ADAMTS17: variants seen among roughly 807,000 people sequenced by gnomAD.
ADAMTS17 encodes ADAM metallopeptidase with thrombospondin type 1 motif 17, also known as A disintegrin and metalloproteinase with thrombospondin motifs 17.
A neutral mutation model predicts 141.5 loss-of-function variants in ADAMTS17; 113 were observed. The observed-to-expected ratio is 0.80, with a 90% CI of 0.69 to 0.93. The LOEUF (loss-of-function observed/expected upper bound fraction) is 0.93, where lower values mean the gene tolerates loss of function less well. Ranked by LOEUF, ADAMTS17 falls within the 40% of genes least tolerant of loss-of-function variation. The pLI is 0.00. For synonymous variants in ADAMTS17, 768 were observed against 630.6 expected (o/e 1.22, Z -3.27); for missense variants, 1,659 against 1,517.9 (o/e 1.09, Z -1.54).
chr15:100,260,654 A>G (rs528731656), intron 6 of ADAMTS17, among the ~76,000 whole-genome samples: 2 of 152,166 alleles, frequency 1.3e-5, no homozygotes, highest in East Asian at 3.9e-4. Flanking sequence ...AAAACAAAAC[A>G]AAAAACCTTT....
intron 10 of ADAMTS17, among the ~76,000 whole-genome samples, chr15:100,149,763 C>T (rs2039076841): frequency 6.6e-6 from 1 of 152,202 alleles, no homozygotes; most frequent in Non-Finnish European, 1.5e-5. Context: ...CACCATTGCT[C>T]CATCCATGAG....
chr15:100,188,000 C>A (rs1438642831), intron 8 of ADAMTS17, among the ~76,000 whole-genome samples: 1 of 152,060 alleles, frequency 6.6e-6, no homozygotes, highest in Non-Finnish European at 1.5e-5. Context: ...GGGAGGGGCA[C>A]TTGAGTCCAG....
At chr15:100,113,468 C>T (rs573045546) in intron 13 of ADAMTS17, among the ~76,000 whole-genome samples, 1 of 152,154 alleles carries the variant, frequency 6.6e-6, no homozygotes, top group Non-Finnish European at 1.5e-5. Context: ...ACTAGCAATA[C>T]AAATATTTGG....
chr15:100,082,616 ATTT>A (rs1280643603), intron 15 of ADAMTS17, among the ~76,000 whole-genome samples: 1 of 151,702 alleles, frequency 6.6e-6, no homozygotes, highest in African/African-American at 2.4e-5. Flanking sequence ...TGATAGTCAT[ATTT>A]TTAATTTTTG....
At chr15:100,009,629 C>T (rs1050553735) in intron 18 of ADAMTS17, among the ~76,000 whole-genome samples, 40 of 152,118 alleles carry the variant, frequency 2.6e-4, no homozygotes, top group South Asian at 6.2e-4. Context: ...TCCACAGGCC[C>T]GATCAACCCC....
chr15:100,288,260 T>G (rs940802638), intron 3 of ADAMTS17, among the ~76,000 whole-genome samples: 1 of 152,146 alleles, frequency 6.6e-6, no homozygotes, highest in Non-Finnish European at 1.5e-5. Flanking sequence ...CAATAATTTT[T>G]TAAAAAGACA....
intron 8 of ADAMTS17, among the ~76,000 whole-genome samples, chr15:100,196,728 G>A (rs1341146934): frequency 6.6e-5 from 10 of 152,330 alleles, no homozygotes; most frequent in Middle Eastern, 3.4e-3. Flanking sequence ...CAGCCTGGCC[G>A]GTGGCTTTGC....
chr15:100,090,216 G>A (rs2035369144), intron 15 of ADAMTS17, among the ~76,000 whole-genome samples: 1 of 152,162 alleles, frequency 6.6e-6, no homozygotes, highest in South Asian at 2.1e-4. Context: ...GCAGTAAAAT[G>A]TCAAAAACTG....
At chr15:100,121,737 C>T (rs187530563) in intron 12 of ADAMTS17, among the ~76,000 whole-genome samples, 22 of 151,898 alleles carry the variant, frequency 1.4e-4, no homozygotes, top group Admixed American at 1.1e-3. Context: ...TAGATGTAAC[C>T]TGAATGCAGG....
At chr15:100,281,548 C>T in intron 3 of ADAMTS17, 147 bp from the exon 4 acceptor site, 1 of 1,077,214 alleles carries the variant, frequency 9.3e-7, no homozygotes, top group Middle Eastern at 2.8e-4. Context: ...TCTCCACCGT[C>T]ATGTGGGTGC....
At chr15:100,143,918 C>T (rs2038776901) in intron 10 of ADAMTS17, among the ~76,000 whole-genome samples, 2 of 152,230 alleles carry the variant, frequency 1.3e-5, no homozygotes, top group African/African-American at 4.8e-5. Flanking sequence ...TTGCGAGTGG[C>T]AGAAGAACAT....
intron 4 of ADAMTS17, among the ~76,000 whole-genome samples, chr15:100,271,615 G>A (rs2043916162): frequency 6.6e-6 from 1 of 151,358 alleles, no homozygotes; most frequent in Admixed American, 6.6e-5. Flanking sequence ...GGTTTTAGAA[G>A]CTTTCTATAT....
In ADAMTS17 at chr15:99,974,374, A is replaced by G; in HGVS notation, c.*28T>C. The G allele has an allele frequency of 6.2e-7, 1 of 1,613,746 alleles. No individual in the cohort carries two copies. The highest frequency in any genetic ancestry group is 8.5e-7 in the Non-Finnish European group (1 of 1,180,000). ...TGGGTGGGTTTCAGACCTGAGTCTGAGCTTTGAGCGACCCTTGGGACTGCG... is the reference window on the plus strand; with the variant it reads ...TGGGTGGGTTTCAGACCTGAGTCTGGGCTTTGAGCGACCCTTGGGACTGCG... On this transcript the variant is annotated 3_prime_UTR_variant, in exon 22 of 22. Coordinates refer to ENST00000268070, the MANE Select transcript of ADAMTS17 (RefSeq NM_139057.4).
chr15:99,982,203 A>G (rs906890838), intron 20 of ADAMTS17, among the ~76,000 whole-genome samples: 4 of 152,246 alleles, frequency 2.6e-5, no homozygotes, highest in Non-Finnish European at 5.9e-5. Flanking sequence ...TATTCTCAAC[A>G]GTGAATGCAC....
At chr15:100,009,594 C>T (rs1209897646) in intron 18 of ADAMTS17, among the ~76,000 whole-genome samples, 2 of 152,044 alleles carry the variant, frequency 1.3e-5, no homozygotes, top group African/African-American at 2.4e-5. Flanking sequence ...TGACCTCTAC[C>T]GAGCACTCAG....
intron 19 of ADAMTS17, among the ~76,000 whole-genome samples, chr15:99,994,243 G>C (rs2060749983): frequency 6.6e-6 from 1 of 152,088 alleles, no homozygotes. Context: ...AGTCTGCTAA[G>C]GCGGTTTCAT....
intron 7 of ADAMTS17, among the ~76,000 whole-genome samples, chr15:100,244,481 T>C (rs72755287): frequency 0.072 from 10,977 of 151,530 alleles, 679 homozygotes; most frequent in East Asian, 0.26. Flanking sequence ...GGGAGGGACC[T>C]GGTGGGAGGT....
intron 8 of ADAMTS17, among the ~76,000 whole-genome samples, chr15:100,169,152 G>A (rs1486319473): frequency 6.6e-6 from 1 of 152,166 alleles, no homozygotes; most frequent in Admixed American, 6.5e-5. Flanking sequence ...GAAGCCCAAG[G>A]CATTCAGAGA....
intron 18 of ADAMTS17, among the ~76,000 whole-genome samples, chr15:100,020,104 CT>C (rs2061375086): frequency 6.6e-6 from 1 of 152,224 alleles, no homozygotes; most frequent in African/African-American, 2.4e-5. Context: ...ACCAAGTAGG[CT>C]GCAGAAAACA....
Sources: allele counts gnomAD v4.1 joint callset (sites outside exome capture counted in the v4.1 genomes callset), GRCh38; gene constraint gnomAD v4.1.1; transcripts MANE v1.5; gene names NCBI Gene and HGNC (gene_info 2026-07-23, HGNC 2026-07-21).